CEP43: variants seen among roughly 807,000 people sequenced by gnomAD.
CEP43 encodes FGFR1 oncogene partner.
In CEP43, 36 loss-of-function variants were observed where a neutral mutation model predicts 52.6. The observed-to-expected ratio is 0.68, with a 90% CI of 0.52 to 0.90. The LOEUF (loss-of-function observed/expected upper bound fraction) is 0.90, where lower values mean the gene tolerates loss of function less well. CEP43 is among the 40% of genes least tolerant of loss of function. The probability of loss-of-function intolerance (pLI) is 0.00; values close to 1 mark genes in which losing one functional copy is unlikely to be tolerated. For missense variants in CEP43, 506 were observed against 472.8 expected (o/e 1.07, Z -0.65); for synonymous variants, 192 against 172.4 (o/e 1.11, Z -0.89).
chr6:167,007,912 A>C (rs1322237973), intron 5 of CEP43, among the ~76,000 whole-genome samples: 1 of 152,136 alleles, frequency 6.6e-6, no homozygotes, highest in African/African-American at 2.4e-5. Context: ...AGGTCCTTAT[A>C]TCTGTCCAGG....
chr6:167,008,332 C>T (rs1030568397), intron 5 of CEP43, among the ~76,000 whole-genome samples: 1 of 152,118 alleles, frequency 6.6e-6, no homozygotes, highest in Non-Finnish European at 1.5e-5. Flanking sequence ...TCTCTCCTTA[C>T]TGGAAACTGC....
chr6:167,013,888 G>A (rs938703581), intron 7 of CEP43, among the ~76,000 whole-genome samples: 4 of 152,176 alleles, frequency 2.6e-5, no homozygotes, highest in Non-Finnish European at 4.4e-5. Context: ...CAGGAGAATC[G>A]CTTTAACCCG....
chr6:167,020,996 G>A (rs1780217342), intron 7 of CEP43, among the ~76,000 whole-genome samples: 1 of 151,136 alleles, frequency 6.6e-6, no homozygotes, highest in South Asian at 2.1e-4. Context: ...GGGAGACTGA[G>A]GCAAGGAGGA....
At chr6:167,036,169 A>G (rs1780582123) in intron 12 of CEP43, 1 of 985,476 alleles carries the variant, frequency 1.0e-6, no homozygotes, top group South Asian at 4.7e-5. Flanking sequence ...TTCATGGGCC[A>G]TGAAAATTCA....
At chr6:167,006,446 C>G (rs568997587) in intron 5 of CEP43, among the ~76,000 whole-genome samples, 4 of 151,810 alleles carry the variant, frequency 2.6e-5, no homozygotes, top group Admixed American at 2.0e-4. Flanking sequence ...CAGTAGGTGG[C>G]GGTGGCAGTG....
intron 10 of CEP43, among the ~76,000 whole-genome samples, chr6:167,027,439 A>G (rs1283513667): frequency 6.6e-6 from 1 of 150,556 alleles, no homozygotes; most frequent in Non-Finnish European, 1.5e-5. Context: ...CTCTCTGTGG[A>G]TGTGATGGGA....
Position 167,044,696 on chromosome 6 carries a change from T to A in CEP43, c.*4718T>A. ...AAGGTAAGGTCGAGCTGGCCCCTCG[T>A]GTCATCCGACTTTGCGTTGTGGCCC... is the stretch of plus-strand genomic sequence containing the variant. On this transcript the variant is annotated 3_prime_UTR_variant, in exon 13 of 13. Coordinates refer to ENST00000366847, the MANE Select transcript of CEP43 (RefSeq NM_007045.4). 1 of 341,622 alleles carries A rather than the reference T, an allele frequency of 2.9e-6. No individual in the cohort carries two copies. The highest frequency in any genetic ancestry group is 4.1e-6 in the Non-Finnish European group (1 of 241,302). 21.2% of individuals were successfully genotyped at this position (341,622 alleles called of 1,614,324 possible).
At chr6:167,035,391 A>C (rs1202688787) in intron 12 of CEP43, among the ~76,000 whole-genome samples, 3 of 152,078 alleles carry the variant, frequency 2.0e-5, no homozygotes, top group African/African-American at 7.2e-5. Context: ...CAAGGTGACC[A>C]AAACCAGTGT....
intron 5 of CEP43, among the ~76,000 whole-genome samples, chr6:167,010,059 C>A (rs912331740): frequency 1.3e-5 from 2 of 152,156 alleles, no homozygotes; most frequent in East Asian, 1.9e-4. Flanking sequence ...TTATGAAGAA[C>A]AGCACATTTT....
chr6:166,999,672 C>A lies in CEP43; in HGVS notation c.102+158C>A, dbSNP rs1056832011. On this transcript the variant is annotated intron_variant, in intron 1 of 12. Coordinates refer to ENST00000366847, the MANE Select transcript of CEP43 (RefSeq NM_007045.4). ...CCGGCATGGCCTCCGTCCTGCCCGC[C>A]CCACAGAGGGGGTCGGCTCGTTCGT... 3.6e-5 allele frequency: 18 copies of A among 497,256 alleles called. No homozygotes were observed. In the African/African-American group the frequency reaches 3.7e-4, roughly 10 times the overall value. 30.8% of individuals were successfully genotyped at this position (497,256 alleles called of 1,614,324 possible). A position where few individuals can be genotyped will look rare whatever the true frequency, so the allele number is the denominator to read the frequency against.
At chr6:167,001,418 T>A (rs974592985) in intron 2 of CEP43, among the ~76,000 whole-genome samples, 10 of 152,368 alleles carry the variant, frequency 6.6e-5, no homozygotes, top group South Asian at 6.2e-4. Context: ...CCGCTGTGGT[T>A]TTTTTCCTTC....
chr6:167,018,420 TCG>T (rs1325576469), intron 7 of CEP43, among the ~76,000 whole-genome samples: 2 of 152,110 alleles, frequency 1.3e-5, no homozygotes, highest in African/African-American at 4.8e-5. Flanking sequence ...AGACGGATTC[TCG>T]CTCTGTCACC....
intron 4 of CEP43, 51 bp from the exon 5 acceptor site, chr6:167,004,213 G>A (rs1244085223): frequency 6.4e-7 from 1 of 1,552,840 alleles, no homozygotes; most frequent in Non-Finnish European, 8.7e-7. Flanking sequence ...TACTCCTTGA[G>A]AATAACTTCT....
At chr6:167,000,025 A>C in intron 1 of CEP43, 35 bp from the exon 2 acceptor site, 2 of 1,568,994 alleles carry the variant, frequency 1.3e-6, no homozygotes, top group Non-Finnish European at 1.8e-6. Context: ...ATTGTCTTGA[A>C]ATTATAATTT....
At chr6:167,030,590 A>T (rs1464364257) in intron 10 of CEP43, among the ~76,000 whole-genome samples, 2 of 152,136 alleles carry the variant, frequency 1.3e-5, no homozygotes, top group African/African-American at 2.4e-5. Flanking sequence ...TGTAGCAGGA[A>T]CAAGGACTCA....
rs945670481 is a variant in CEP43 at position 167,048,843 on chromosome 6, T to A, written c.*8865T>A. 1.3e-5 allele frequency: 2 copies of A among 152,170 alleles called. No homozygotes were observed. The highest frequency in any genetic ancestry group is 2.9e-5 in the Non-Finnish European group (2 of 68,040). 9.4% of individuals were successfully genotyped at this position (152,170 alleles called of 1,614,324 possible). ...ACTAAATGTTCTTAGTCACTGAAAGTGTGAAATAGCCTCTAAACTCATATG... is the reference window on the plus strand; with the variant it reads ...ACTAAATGTTCTTAGTCACTGAAAGAGTGAAATAGCCTCTAAACTCATATG... On this transcript the variant is annotated 3_prime_UTR_variant, in exon 13 of 13. Transcript: ENST00000366847.
At chr6:167,015,709 C>G (rs1320972254) in intron 7 of CEP43, among the ~76,000 whole-genome samples, 1 of 152,136 alleles carries the variant, frequency 6.6e-6, no homozygotes, top group Non-Finnish European at 1.5e-5. Context: ...TAGTGGCTCA[C>G]TCAGAGACCC....
Position 167,006,285 on chromosome 6 carries a change from G to A in CEP43, c.438+1884G>A, listed in dbSNP as rs112855398. 3.6e-3 allele frequency among the ~76,000 whole-genome samples: 547 copies of A among 152,310 alleles called. 5 individuals carry two copies. Among genetic ancestry groups the A allele is most frequent in the African/African-American group, 0.013 (530 of 41,566 alleles). On this transcript the variant is annotated intron_variant, in intron 5 of 12. Coordinates refer to ENST00000366847, the MANE Select transcript of CEP43 (RefSeq NM_007045.4). Reference sequence around the variant, plus strand: ...TAATCCCAGCACTTTGGGAGGCCGAGGTGGGCGAATCATGAAGTCAAGAGA... The same window carrying A: ...TAATCCCAGCACTTTGGGAGGCCGAAGTGGGCGAATCATGAAGTCAAGAGA...
Position 167,034,034 on chromosome 6 carries a change from T to G in CEP43, c.1125+63T>G, listed in dbSNP as rs570125749. 9.8e-6 allele frequency: 7 copies of G among 713,002 alleles called. No homozygotes were observed. The Admixed American group carries it at 1.4e-4, about 14-fold the overall frequency. The allele number at this position is 713,002 out of a possible 1,614,324, so 44.2% of individuals were successfully genotyped here. A position where few individuals can be genotyped will look rare whatever the true frequency, so the allele number is the denominator to read the frequency against. On this transcript the variant is annotated intron_variant, in intron 12 of 12. Transcript: ENST00000366847. ...TTTTAACCTATTTGTCGATTTACTG[T>G]AAAGCTTCAAAATTCATACTAATTA...
Sources: gnomAD v4.1 joint callset for allele counts (sites outside exome capture counted in the v4.1 genomes callset) on GRCh38, gnomAD v4.1.1 for gene constraint, MANE v1.5 for transcripts, NCBI Gene and HGNC (gene_info 2026-07-23, HGNC 2026-07-21) for gene names.